Variants in MAG observed in about 807,000 individuals in gnomAD.
MAG encodes myelin-associated glycoprotein.
In MAG, 30 loss-of-function variants were observed where a neutral mutation model predicts 60.7. The ratio of observed to expected loss-of-function variants is 0.49; its 90% confidence interval spans 0.37 to 0.67. MAG has a LOEUF of 0.67. Among genes scored for constraint, MAG ranks in the 30% least tolerant of loss-of-function variants. MAG has a pLI of 0.00. For missense variants in MAG, 795 were observed against 851.7 expected (o/e 0.93, Z 0.83); for synonymous variants, 384 against 376.8 (o/e 1.02, Z -0.22).
At chr19:35,304,172 A>G (rs1206205596) in intron 7 of MAG, among the ~76,000 whole-genome samples, 1 of 152,236 alleles carries the variant, frequency 6.6e-6, no homozygotes, top group African/African-American at 2.4e-5. Flanking sequence ...CTGCTGACCT[A>G]TAATCTTCAG....
intron 1 of MAG, 56 bp from the exon 2 acceptor site, chr19:35,294,179 G>A (rs939879222): frequency 5.2e-6 from 2 of 386,984 alleles, no homozygotes. Flanking sequence ...AAGCGGGGGT[G>A]GGTTGGGTGC....
chr19:35,304,966 G>A (rs2066473531), intron 7 of MAG, among the ~76,000 whole-genome samples: 1 of 152,188 alleles, frequency 6.6e-6, no homozygotes, highest in South Asian at 2.1e-4. Flanking sequence ...AAGTGGGTCC[G>A]AGCCCGATAA....
chr19:35,311,858 A>C, intron 9 of MAG, 60 bp from the exon 10 acceptor site: 1 of 1,269,084 alleles, frequency 7.9e-7, no homozygotes, highest in Non-Finnish European at 1.1e-6. Context: ...CAAACTCCTA[A>C]AACACGTGGG....
At chr19:35,307,702 CAAT>C (rs1265330595) in intron 7 of MAG, among the ~76,000 whole-genome samples, 1 of 151,838 alleles carries the variant, frequency 6.6e-6, no homozygotes, top group East Asian at 1.9e-4. Context: ...ATAGTAATAA[CAAT>C]AATAATAATA....
At chr19:35,313,166 G>A in intron 10 of MAG, 124 bp from the exon 11 acceptor site, 4 of 1,044,636 alleles carry the variant, frequency 3.8e-6, no homozygotes, top group Non-Finnish European at 5.3e-6. Flanking sequence ...CCTTGAGAAA[G>A]GAGGTTCTCG....
chr19:35,293,177 G>A lies in MAG; in HGVS notation c.-80+973G>A, dbSNP rs1237794645. 2.0e-5 allele frequency among the ~76,000 whole-genome samples: 3 copies of A among 152,088 alleles called. No individual in the cohort carries two copies. The highest frequency in any genetic ancestry group is 7.2e-5 in the African/African-American group (3 of 41,386). ...CAGGTGCAAGGGCAGCGTCGGCCAG[G>A]TGTCCATCGGCGCGTGTCTGAGTGG... On this transcript the variant is annotated intron_variant, in intron 1 of 10. Transcript: ENST00000392213. The surrounding 1 kb of genome is among the most constrained non-coding windows in gnomAD (Gnocchi z 4.0).
intron 7 of MAG, among the ~76,000 whole-genome samples, chr19:35,309,110 C>A (rs2066505839): frequency 6.6e-6 from 1 of 152,094 alleles, no homozygotes; most frequent in South Asian, 2.1e-4. Flanking sequence ...GAGCCAGGGC[C>A]CAGGAGAAAC....
At position 35,295,652 on chromosome 19, in the gene MAG, C is replaced by T. The variant is rs1161598197; in HGVS notation, c.86C>T (p.Ser29Phe). The change falls in exon 4 of 11, where the codon TCC (serine) becomes TTC (phenylalanine). Residue 29 changes from serine (S) to phenylalanine (F), a missense_variant. Physicochemically the swap from Ser to Phe is radical, Grantham distance 155 (BLOSUM62 -2). Transcript: ENST00000392213. The surrounding 1 kb of genome is among the most constrained non-coding windows in gnomAD (Gnocchi z 5.8). Reference sequence around the variant, plus strand: ...CACTGGGGTGCCTGGATGCCCTCGTCCATCTCGGCCTTCGAAGGCACGTGC... The same window carrying T: ...CACTGGGGTGCCTGGATGCCCTCGTTCATCTCGGCCTTCGAAGGCACGTGC... ...GGHWGAWMPS[S>F]ISAFEGTCVS... The T allele has an allele frequency of 1.2e-6, 2 of 1,610,962 alleles. No individual in the cohort carries two copies. Among genetic ancestry groups the T allele is most frequent in the Non-Finnish European group, 1.7e-6 (2 of 1,179,594 alleles).
At chr19:35,294,942 C>G (rs2066384853) in intron 2 of MAG, among the ~76,000 whole-genome samples, 1 of 152,032 alleles carries the variant, frequency 6.6e-6, no homozygotes, top group Non-Finnish European at 1.5e-5. Context: ...GAGACCCCAT[C>G]TCAAAAAGTA....
chr19:35,300,932 C>A lies in MAG; in HGVS notation c.970+528C>A, dbSNP rs371462754. Among the ~76,000 whole-genome samples, 153 of 152,270 alleles carry A rather than the reference C, an allele frequency of 1.0e-3. 1 individual carries two copies. Among genetic ancestry groups the A allele is most frequent in the African/African-American group, 3.4e-3 (140 of 41,564 alleles). On this transcript the variant is annotated intron_variant, in intron 6 of 10. Coordinates refer to ENST00000392213, the MANE Select transcript of MAG (RefSeq NM_002361.4). ...TTTTTTTTGTAAAGGTGGGATTTTG[C>A]TATGTTGCCCAGGCTGGTATCAAAC... is the stretch of plus-strand genomic sequence containing the variant.
chr19:35,295,396 C>A lies in MAG; in HGVS notation c.-13C>A, dbSNP rs773049656. 4.3e-6 allele frequency: 7 copies of A among 1,613,674 alleles called. No individual in the cohort carries two copies. The highest frequency in any genetic ancestry group is 5.9e-6 in the Non-Finnish European group (7 of 1,179,764). The stretch of plus-strand genomic sequence containing the variant: ...CCTCTCCCTTTCCAGCGATCACTCA[C>A]TCGCTGTACAGAATGATATTCCTCA... On this transcript the variant is annotated 5_prime_UTR_variant, in exon 3 of 11. Coordinates refer to ENST00000392213, the MANE Select transcript of MAG (RefSeq NM_002361.4). This position sits in a 1 kb window ranked among gnomAD's most constrained non-coding sequence, Gnocchi z 5.8.
In MAG at chr19:35,308,073, G is replaced by A. The variant is rs10402632; in HGVS notation, c.1232-1801G>A. On this transcript the variant is annotated intron_variant, in intron 7 of 10. Coordinates refer to ENST00000392213, the MANE Select transcript of MAG (RefSeq NM_002361.4). ...CAGAGTGGAGAAGGAGCAAGCCCCTGTCTTGATGGAAACAGGAGGCCCCTT... is the reference window on the plus strand; with the variant it reads ...CAGAGTGGAGAAGGAGCAAGCCCCTATCTTGATGGAAACAGGAGGCCCCTT... 6.3e-3 allele frequency among the ~76,000 whole-genome samples: 953 copies of A among 152,286 alleles called. 12 individuals carry two copies. Among genetic ancestry groups the A allele is most frequent in the African/African-American group, 0.022 (896 of 41,572 alleles).
At chr19:35,305,882 G>T (rs551599287) in intron 7 of MAG, among the ~76,000 whole-genome samples, 1 of 152,106 alleles carries the variant, frequency 6.6e-6, no homozygotes, top group Non-Finnish European at 1.5e-5. Context: ...TTGAGCCCGG[G>T]GGGTGGAGGT....
At position 35,302,473 on chromosome 19, in the gene MAG, C is replaced by T. The variant is rs138660180; in HGVS notation, c.996C>T (p.Asn332=). The change falls in exon 7 of 11, where the codon AAC becomes AAT. Residue 332 remains asparagine, a synonymous_variant. Coordinates refer to ENST00000392213, the MANE Select transcript of MAG (RefSeq NM_002361.4). ...VMYAPWKPTV[N]GTMVAVEGET... ...ATGCACCCTGGAAGCCAACAGTGAA[C>T]GGGACAATGGTGGCCGTAGAGGGGG... The T allele has an allele frequency of 6.8e-6, 11 of 1,614,016 alleles. No homozygotes were observed. The highest frequency in any genetic ancestry group is 2.2e-5 in the East Asian group (1 of 44,894).
chr19:35,302,382 A>G (rs1045858603), intron 6 of MAG, 66 bp from the exon 7 acceptor site: 2 of 1,586,194 alleles, frequency 1.3e-6, no homozygotes, highest in Non-Finnish European at 1.7e-6. Flanking sequence ...ATATCTGGGG[A>G]TGGTAGTTGG....
In MAG at chr19:35,310,591, G is replaced by A. The variant is rs1160330348; in HGVS notation, c.1564G>A (p.Ala522Thr). ...GATCGGGCCTGTGGGCGCCGTGGTC[G>A]CCTTTGCCATCCTGATTGCCATCGT... ...AKIGPVGAVV[A>T]FAILIAIVCY... The change falls in exon 9 of 11, where the codon GCC becomes ACC. Residue 522 changes from alanine to threonine, a missense_variant. Coordinates refer to ENST00000392213, the MANE Select transcript of MAG (RefSeq NM_002361.4). The A allele has an allele frequency of 1.9e-6, 3 of 1,614,080 alleles. No individual in the cohort carries two copies. The highest frequency in any genetic ancestry group is 2.2e-5 in the South Asian group (2 of 91,082).
intron 9 of MAG, 110 bp downstream of exon 9, chr19:35,310,753 A>G: frequency 8.0e-6 from 7 of 872,968 alleles, no homozygotes; most frequent in Non-Finnish European, 1.3e-5. Context: ...AGTGTAGAGA[A>G]GGCAGATTCT....
At chr19:35,303,983 A>G (rs915832097) in intron 7 of MAG, among the ~76,000 whole-genome samples, 1 of 152,146 alleles carries the variant, frequency 6.6e-6, no homozygotes, top group Non-Finnish European at 1.5e-5. Flanking sequence ...CACGATGCCC[A>G]CAATGGCCCC....
chr19:35,300,483 C>A lies in MAG; in HGVS notation c.970+79C>A, dbSNP rs908106394. The A allele has an allele frequency of 4.7e-6, 7 of 1,478,218 alleles. No homozygotes were observed. The African/African-American group carries it at 5.6e-5, about 12-fold the overall frequency. The allele number at this position is 1,478,218 out of a possible 1,614,324, so 91.6% of individuals were successfully genotyped here. ...GGAAAGGGGCCTCATCCAGGGCGAG[C>A]ATGGGCTGGGTCCCGAGGGGACCGG... is the stretch of plus-strand genomic sequence containing the variant. On this transcript the variant is annotated intron_variant, in intron 6 of 10. Transcript: ENST00000392213.
Sources: allele counts gnomAD v4.1 joint callset (sites outside exome capture counted in the v4.1 genomes callset), GRCh38; gene constraint gnomAD v4.1.1; non-coding constraint Gnocchi (gnomAD v3.1); transcripts MANE v1.5; gene names NCBI Gene and HGNC (gene_info 2026-07-23, HGNC 2026-07-21).